LOXL2: variants seen among roughly 807,000 people sequenced by gnomAD.
LOXL2 encodes the protein lysyl oxidase homolog 2.
A neutral mutation model predicts 93.0 loss-of-function variants in LOXL2; 70 were observed. That is an observed-to-expected ratio of 0.75 (90% confidence interval 0.62 to 0.92). The LOEUF (loss-of-function observed/expected upper bound fraction) is 0.92, where lower values mean the gene tolerates loss of function less well. Ranked by LOEUF, LOXL2 falls within the 40% of genes least tolerant of loss-of-function variation. The pLI is 0.00. For synonymous variants in LOXL2, 438 were observed against 413.2 expected, an observed-to-expected ratio of 1.06 and a Z score of -0.73; for missense variants, 973 against 1,054.9, an observed-to-expected ratio of 0.92 and a Z score of 1.08.
chr8:23,341,240 T>A (rs1444694317), intron 3 of LOXL2, 37 bp from the exon 4 acceptor site: 1 of 1,539,106 alleles, frequency 6.5e-7, no homozygotes, highest in Admixed American at 1.7e-5. Flanking sequence ...AGGGTTACCC[T>A]ACTGGCCTGG....
chr8:23,368,401 G>A lies in LOXL2; in HGVS notation c.-50C>T. 1 of 1,494,442 alleles carries A rather than the reference G, an allele frequency of 6.7e-7. No individual in the cohort carries two copies. The highest frequency in any genetic ancestry group is 1.1e-5 in the South Asian group (1 of 88,616). 92.6% of individuals were successfully genotyped at this position (1,494,442 alleles called of 1,614,324 possible). ...ACGAAGGGGCCCTGCGCAGCTGGGA[G>A]GGACAGGCGGGGTACAGAAGCAGCA... On this transcript the variant is annotated 5_prime_UTR_variant, in exon 2 of 14. Coordinates refer to ENST00000389131, the MANE Select transcript of LOXL2 (RefSeq NM_002318.3).
intron 1 of LOXL2, among the ~76,000 whole-genome samples, chr8:23,399,172 T>C (rs1035454545): frequency 2.6e-5 from 4 of 152,162 alleles, no homozygotes; most frequent in Admixed American, 6.5e-5. Flanking sequence ...TCGGGCCACT[T>C]CATCTGAGGC....
At chr8:23,327,855 G>A (rs1229918841) in intron 6 of LOXL2, among the ~76,000 whole-genome samples, 1 of 152,212 alleles carries the variant, frequency 6.6e-6, no homozygotes, top group Non-Finnish European at 1.5e-5. Context: ...TTAATAAAAA[G>A]CAGGCCCTTT....
At chr8:23,337,849 G>C (rs924268112) in intron 4 of LOXL2, among the ~76,000 whole-genome samples, 8 of 152,286 alleles carry the variant, frequency 5.3e-5, no homozygotes, top group Admixed American at 5.2e-4. Context: ...CAGAGAGCAG[G>C]CCTTGGTGAG....
chr8:23,299,567 A>G (rs572664826), intron 12 of LOXL2, among the ~76,000 whole-genome samples: 8 of 152,286 alleles, frequency 5.3e-5, no homozygotes, highest in African/African-American at 1.7e-4. Context: ...AGGAATAGGA[A>G]GGACATATTC....
chr8:23,362,580 A>G lies in LOXL2; in HGVS notation c.356-2315T>C, dbSNP rs942550343. Among the ~76,000 whole-genome samples the G allele has an allele frequency of 3.3e-5, 5 of 152,086 alleles. No individual in the cohort carries two copies. In the East Asian group the frequency reaches 9.6e-4, roughly 29 times the overall value. ...AGGCCTCATCTCTACTAAAAATCAA[A>G]ACATTTAGCTGGGCATGGTGGCGCA... On this transcript the variant is annotated intron_variant, in intron 2 of 13. Transcript: ENST00000389131.
At chr8:23,302,305 AT>A in intron 11 of LOXL2, 142 bp from the exon 12 acceptor site, 1 of 942,682 alleles carries the variant, frequency 1.1e-6, no homozygotes. Context: ...ATCTGTTCTC[AT>A]TTCAGTAGAA....
At chr8:23,382,492 G>A (rs531391858) in intron 1 of LOXL2, 15 of 150,244 alleles carry the variant, frequency 1.0e-4, no homozygotes, top group African/African-American at 3.7e-4. Flanking sequence ...ACTCCAGCCT[G>A]GGTGACAGAG....
chr8:23,356,367 T>C (rs1342120722), intron 3 of LOXL2, among the ~76,000 whole-genome samples: 1 of 152,252 alleles, frequency 6.6e-6, no homozygotes, highest in Non-Finnish European at 1.5e-5. Flanking sequence ...CTGGGAGGAA[T>C]GATCCTATGA....
Position 23,324,728 on chromosome 8 carries a change from C to T in LOXL2, c.1151-2447G>A, listed in dbSNP as rs140643054. On this transcript the variant is annotated intron_variant, in intron 6 of 13. Coordinates refer to ENST00000389131, the MANE Select transcript of LOXL2 (RefSeq NM_002318.3). Reference sequence around the variant, plus strand: ...CAGAATTAGGGCACAGTGGAAAAGCCGCGTCTAACATCATAGAGCAGTGTT... The same window carrying T: ...CAGAATTAGGGCACAGTGGAAAAGCTGCGTCTAACATCATAGAGCAGTGTT... 3.8e-3 allele frequency among the ~76,000 whole-genome samples: 571 copies of T among 152,242 alleles called. 5 individuals carry two copies. Among genetic ancestry groups the T allele is most frequent in the African/African-American group, 0.013 (546 of 41,532 alleles).
At chr8:23,359,998 C>T in intron 3 of LOXL2, 92 bp downstream of exon 3, 1 of 1,234,264 alleles carries the variant, frequency 8.1e-7, no homozygotes, top group Non-Finnish European at 1.2e-6. Context: ...TTCCTGCTCA[C>T]ACACACTTCT....
Position 23,298,933 on chromosome 8 carries a change from G to A in LOXL2, c.2148C>T (p.Pro716=). The change falls in exon 13 of 14, where the codon CCC becomes CCT. Residue 716 remains proline (P), a synonymous_variant. Transcript: ENST00000389131. ...GDYLFQVVIN[P]NFEVAESDYS... ...AATCGGATTCTGCAACCTCGAAGTTGGGGTTAATAACAACCTAGGGAGAAG... is the reference window on the plus strand; with the variant it reads ...AATCGGATTCTGCAACCTCGAAGTTAGGGTTAATAACAACCTAGGGAGAAG... 4 of 1,610,830 alleles carry A rather than the reference G, an allele frequency of 2.5e-6. No homozygotes were observed. Among genetic ancestry groups the A allele is most frequent in the East Asian group, 2.2e-5 (1 of 44,840 alleles).
At chr8:23,309,396 G>T (rs918585340) in intron 10 of LOXL2, among the ~76,000 whole-genome samples, 32 of 152,240 alleles carry the variant, frequency 2.1e-4, no homozygotes, top group Non-Finnish European at 7.3e-5. Context: ...AACGAGGAGG[G>T]TATGGGCGCT....
At chr8:23,316,882 G>C in intron 9 of LOXL2, 67 bp downstream of exon 9, 15 of 1,411,100 alleles carry the variant, frequency 1.1e-5, no homozygotes, top group Non-Finnish European at 1.4e-5. Context: ...AGAGTCTCTT[G>C]AGGAATAACT....
At chr8:23,301,993 C>G (rs1009373209) in intron 12 of LOXL2, 34 bp downstream of exon 12, 14 of 1,612,766 alleles carry the variant, frequency 8.7e-6, no homozygotes, top group Non-Finnish European at 1.2e-5. Context: ...CCTCCTCCCC[C>G]TGCAGGGCTG....
chr8:23,314,059 C>A (rs1417645656), intron 9 of LOXL2, among the ~76,000 whole-genome samples: 2 of 150,456 alleles, frequency 1.3e-5, no homozygotes, highest in African/African-American at 4.9e-5. Flanking sequence ...CCATCACTGG[C>A]CATCAGAGAA....
rs767009232 is a variant in LOXL2, at chr8:23,298,032, C to T, written c.*11G>A. On this transcript the variant is annotated 3_prime_UTR_variant, in exon 14 of 14. Transcript: ENST00000389131. ...GTGGCCTGAAGACAGGAGTTGACCA[C>T]GCAGGCTTCTTTACTGCGGGGACAG... 54 of 1,612,030 alleles carry T rather than the reference C, an allele frequency of 3.3e-5. No individual in the cohort carries two copies. Among genetic ancestry groups the T allele is most frequent in the South Asian group, 9.9e-5 (9 of 90,798 alleles).
intron 5 of LOXL2, chr8:23,332,052 A>AAAAC (rs1491021932): frequency 6.7e-6 from 1 of 148,248 alleles, no homozygotes; most frequent in African/African-American, 2.5e-5. Context: ...AAAAAAAAGA[A>AAAAC]GAAGAAGAAG....
At chr8:23,383,657 GTTTTTTTTT>G (rs968347697) in intron 1 of LOXL2, among the ~76,000 whole-genome samples, 7 of 22,266 alleles carry the variant, frequency 3.1e-4, no homozygotes, top group Non-Finnish European at 5.9e-4. Context: ...TTTTTTTTTT[GTTTTTTTTT>G]TTTTTTTTTT....
Sources: gnomAD v4.1 joint callset for allele counts (sites outside exome capture counted in the v4.1 genomes callset) on GRCh38, gnomAD v4.1.1 for gene constraint, MANE v1.5 for transcripts, NCBI Gene and HGNC (gene_info 2026-07-23, HGNC 2026-07-21) for gene names.